The following ADAM23 variants were observed in gnomAD, a reference collection of about 807,000 sequenced individuals.
The protein encoded by ADAM23 is disintegrin and metalloproteinase domain-containing protein 23.
A neutral mutation model predicts 120.1 loss-of-function variants in ADAM23; 33 were observed. The ratio of observed to expected loss-of-function variants is 0.27; its 90% CI spans 0.21 to 0.37. The LOEUF is 0.37. Ranked by LOEUF, ADAM23 falls within the 10% of genes least tolerant of loss-of-function variation. The pLI is 1.00. For missense variants in ADAM23, 862 were observed against 1,058.2 expected (o/e 0.81, Z 2.57); for synonymous variants, 367 against 375.2 (o/e 0.98, Z 0.25).
intron 2 of ADAM23, among the ~76,000 whole-genome samples, chr2:206,475,405 C>G (rs1266364442): frequency 6.6e-6 from 1 of 152,084 alleles, no homozygotes; most frequent in Non-Finnish European, 1.5e-5. Context: ...GCTGGACTTT[C>G]ATGTTTCTCT....
chr2:206,453,847 C>T (rs1695243399), intron 2 of ADAM23, among the ~76,000 whole-genome samples: 1 of 152,194 alleles, frequency 6.6e-6, no homozygotes, highest in Non-Finnish European at 1.5e-5. Context: ...ATATGGGTGT[C>T]CTGTATGGCT....
At chr2:206,609,575 T>C (rs1698790372) in intron 24 of ADAM23, among the ~76,000 whole-genome samples, 1 of 152,214 alleles carries the variant, frequency 6.6e-6, no homozygotes, top group Admixed American at 6.5e-5. Context: ...TCTGTGCTTT[T>C]ACTTATTTGA....
chr2:206,578,079 A>C (rs1260467164), intron 18 of ADAM23, among the ~76,000 whole-genome samples: 1 of 152,228 alleles, frequency 6.6e-6, no homozygotes, highest in Non-Finnish European at 1.5e-5. Context: ...GAAACATCAC[A>C]AAAGTAAAAT....
intron 3 of ADAM23, among the ~76,000 whole-genome samples, chr2:206,499,629 TA>T (rs1417231936): frequency 6.6e-6 from 1 of 151,930 alleles, no homozygotes; most frequent in Admixed American, 6.6e-5. Flanking sequence ...CCCTAAAACT[TA>T]AAGTATAATA....
chr2:206,492,913 TAGAGAA>T (rs1696162689), intron 3 of ADAM23, among the ~76,000 whole-genome samples: 1 of 152,196 alleles, frequency 6.6e-6, no homozygotes, highest in Admixed American at 6.5e-5. Flanking sequence ...ATGTGAACCT[TAGAGAA>T]ATAAAAAACT....
At chr2:206,570,631 GAAT>G (rs1697976593) in intron 15 of ADAM23, 106 bp from the exon 16 acceptor site, 1 of 785,906 alleles carries the variant, frequency 1.3e-6, no homozygotes, top group African/African-American at 1.7e-5. Flanking sequence ...GATCAAAGAA[GAAT>G]ATCACATGAT....
At chr2:206,454,798 A>G (rs1695262329) in intron 2 of ADAM23, among the ~76,000 whole-genome samples, 1 of 152,186 alleles carries the variant, frequency 6.6e-6, no homozygotes, top group African/African-American at 2.4e-5. Context: ...AAAGCTCTGA[A>G]ATAATTGCCT....
intron 3 of ADAM23, among the ~76,000 whole-genome samples, chr2:206,521,126 C>T (rs1696835124): frequency 6.6e-6 from 1 of 152,128 alleles, no homozygotes; most frequent in Admixed American, 6.5e-5. Context: ...TCCTTGAGGG[C>T]TGCTTGATGC....
intron 2 of ADAM23, among the ~76,000 whole-genome samples, chr2:206,455,724 A>G (rs371382892): frequency 2.6e-5 from 4 of 152,220 alleles, no homozygotes; most frequent in African/African-American, 7.2e-5. Flanking sequence ...TCATCTCTCA[A>G]TTTCAGTGTT....
At chr2:206,576,242 A>G (rs1219199604) in intron 18 of ADAM23, among the ~76,000 whole-genome samples, 2 of 145,880 alleles carry the variant, frequency 1.4e-5, no homozygotes, top group Admixed American at 6.9e-5. Flanking sequence ...GTAGAATACT[A>G]CTGTTTTTAT....
intron 9 of ADAM23, among the ~76,000 whole-genome samples, chr2:206,551,147 A>G (rs1228853423): frequency 6.6e-6 from 1 of 152,186 alleles, no homozygotes; most frequent in East Asian, 1.9e-4. Context: ...TAGTACACCC[A>G]ATACTAGTGG....
intron 18 of ADAM23, 73 bp from the exon 19 acceptor site, chr2:206,587,252 T>TTA: frequency 9.2e-7 from 1 of 1,092,188 alleles, no homozygotes; most frequent in South Asian, 1.5e-5. Flanking sequence ...CATGCTTGCA[T>TTA]TATATATAGT....
intron 3 of ADAM23, among the ~76,000 whole-genome samples, chr2:206,503,896 CT>C (rs1696440486): frequency 6.6e-6 from 1 of 152,138 alleles, no homozygotes; most frequent in South Asian, 2.1e-4. Context: ...GTTGTCTGTG[CT>C]GCAACTACGT....
At chr2:206,595,987 C>T (rs1698516942) in intron 23 of ADAM23, 64 bp from the exon 24 acceptor site, 1 of 1,314,292 alleles carries the variant, frequency 7.6e-7, no homozygotes, top group East Asian at 2.4e-5. Flanking sequence ...GTCTCTTTTA[C>T]ATTTATCACT....
intron 23 of ADAM23, among the ~76,000 whole-genome samples, chr2:206,595,117 G>C (rs1055107375): frequency 1.3e-5 from 2 of 152,134 alleles, no homozygotes; most frequent in Admixed American, 1.3e-4. Context: ...GGAGGCAGAG[G>C]TTGCAGTGAG....
At chr2:206,466,006 A>G (rs1174146136) in intron 2 of ADAM23, among the ~76,000 whole-genome samples, 4 of 152,186 alleles carry the variant, frequency 2.6e-5, no homozygotes, top group African/African-American at 7.2e-5. Context: ...TATAGTTAGT[A>G]AATAAAAATA....
At chr2:206,548,461 CTG>C in intron 8 of ADAM23, 107 bp downstream of exon 8, 1 of 1,082,254 alleles carries the variant, frequency 9.2e-7, no homozygotes, top group Non-Finnish European at 1.3e-6. Context: ...ATTTTGGGGA[CTG>C]TTGTTTAAAA....
At chr2:206,612,749 A>G (rs148377717) in intron 25 of ADAM23, among the ~76,000 whole-genome samples, 2 of 152,314 alleles carry the variant, frequency 1.3e-5, no homozygotes, top group African/African-American at 4.8e-5. Flanking sequence ...TCCTTAAACT[A>G]TTATTTCCTC....
In ADAM23 at chr2:206,514,707, A is replaced by G. The variant is rs190701061; in HGVS notation, c.510-16178A>G. Among the ~76,000 whole-genome samples the G allele has an allele frequency of 1.1e-3, 171 of 152,294 alleles. 1 individual carries two copies. The highest frequency in any genetic ancestry group is 3.8e-3 in the African/African-American group (156 of 41,562). ...CATGCTACAGAGAAATCTTTCATGA[A>G]GAGTCAATCAATGAGACAAACTTCA... On this transcript the variant is annotated intron_variant, in intron 3 of 25. Coordinates refer to ENST00000264377, the MANE Select transcript of ADAM23 (RefSeq NM_003812.4).
Sources: gnomAD v4.1 joint callset for allele counts (sites outside exome capture counted in the v4.1 genomes callset) on GRCh38, gnomAD v4.1.1 for gene constraint, MANE v1.5 for transcripts, NCBI Gene and HGNC (gene_info 2026-07-23, HGNC 2026-07-21) for gene names.